The following PRKCQ variants were observed in gnomAD, a reference collection of about 807,000 sequenced individuals.
PRKCQ encodes protein kinase C theta.
In PRKCQ, 41 loss-of-function variants were observed where a neutral mutation model predicts 91.2. That is an observed-to-expected ratio of 0.45 (90% CI 0.35 to 0.58). The LOEUF is 0.58. Among genes scored for constraint, PRKCQ ranks in the 20% least tolerant of loss-of-function variants. PRKCQ has a pLI of 0.00. For synonymous variants in PRKCQ, 307 were observed against 316.9 expected (o/e 0.97, Z 0.33); for missense variants, 673 against 896.5 (o/e 0.75, Z 3.18).
intron 16 of PRKCQ, 95 bp downstream of exon 16, chr10:6,441,798 T>C (rs189287943): frequency 3.3e-5 from 43 of 1,284,140 alleles, no homozygotes; most frequent in Middle Eastern, 5.6e-4. Context: ...ATAATCATTG[T>C]TTGCCACATG....
chr10:6,418,906 C>T, the PRKCQ span, among the ~76,000 whole-genome samples: 57,875 of 151,594 alleles, frequency 0.38, 13,352 homozygotes, highest in East Asian at 0.76. Flanking sequence ...TATTACTCAT[C>T]CATCCATCTG....
intron 12 of PRKCQ, among the ~76,000 whole-genome samples, chr10:6,472,051 G>T (rs913174537): frequency 6.6e-6 from 1 of 152,102 alleles, no homozygotes; most frequent in African/African-American, 2.4e-5. Context: ...GCTCACGCCC[G>T]TAATCCTAGC....
At chr10:6,483,322 C>A in intron 11 of PRKCQ, 118 bp downstream of exon 11, 1 of 1,341,646 alleles carries the variant, frequency 7.5e-7, no homozygotes, top group Non-Finnish European at 1.0e-6. Context: ...CTCAGGAAAG[C>A]TGTCTCTGAC....
rs1836744047 is a variant in PRKCQ, at chr10:6,483,722, GT to G, written c.1019-123del. 9 of 1,138,430 alleles carry G rather than the reference GT, an allele frequency of 7.9e-6. No homozygotes were observed. The South Asian group carries it at 1.2e-4, about 16-fold the overall frequency. 70.5% of individuals were successfully genotyped at this position (1,138,430 alleles called of 1,614,324 possible). A position where few individuals can be genotyped will look rare whatever the true frequency, so the allele number is the denominator to read the frequency against. On this transcript the variant is annotated intron_variant, in intron 10 of 17. Coordinates refer to ENST00000263125, the MANE Select transcript of PRKCQ (RefSeq NM_006257.5). ...AGGCTCCATCATAGTAATTGGGGGT[GT>G]TTAGAGGGTTTCCTACAGTTCAGGC...
chr10:6,571,442 T>C (rs2130976907), intron 1 of PRKCQ, among the ~76,000 whole-genome samples: 1 of 152,322 alleles, frequency 6.6e-6, no homozygotes, highest in South Asian at 2.1e-4. Context: ...AACTGATGGG[T>C]ATATTTCAAA....
intron 16 of PRKCQ, among the ~76,000 whole-genome samples, chr10:6,433,722 CTGAT>C (rs2132234646): frequency 6.6e-6 from 1 of 152,176 alleles, no homozygotes; most frequent in East Asian, 1.9e-4. Context: ...TCACATGGAG[CTGAT>C]TGATGTTTTA....
intron 15 of PRKCQ, among the ~76,000 whole-genome samples, chr10:6,447,766 CT>C (rs1834402086): frequency 6.6e-6 from 1 of 152,328 alleles, no homozygotes; most frequent in Non-Finnish European, 1.5e-5. Context: ...CCTAGTCGGC[CT>C]TCCCCAGGCC....
chr10:6,553,506 A>AAAAAAT (rs1554782538), intron 1 of PRKCQ, among the ~76,000 whole-genome samples: 1 of 73,100 alleles, frequency 1.4e-5, no homozygotes. Context: ...AAAAAAAAAA[A>AAAAAAT]AAAAAAAAAA....
At chr10:6,579,837 AT>A (rs3086770) in intron 1 of PRKCQ, among the ~76,000 whole-genome samples, 78,802 of 136,768 alleles carry the variant, frequency 0.58, 23,404 homozygotes, top group South Asian at 0.68. Flanking sequence ...TTCCTCACGC[AT>A]TTTTTTTTTT....
chr10:6,436,194 C>T (rs1833688175), intron 16 of PRKCQ, among the ~76,000 whole-genome samples: 1 of 152,224 alleles, frequency 6.6e-6, no homozygotes, highest in Non-Finnish European at 1.5e-5. Context: ...CTGCTCTATT[C>T]AACCAAATTT....
chr10:6,456,168 G>A (rs1401931954), intron 15 of PRKCQ, among the ~76,000 whole-genome samples: 2 of 151,888 alleles, frequency 1.3e-5, no homozygotes, highest in Non-Finnish European at 1.5e-5. Flanking sequence ...GGGCAGGGGT[G>A]AGTTTTAACT....
chr10:6,479,965 AT>A (rs1175473185), intron 11 of PRKCQ, among the ~76,000 whole-genome samples: 2 of 151,992 alleles, frequency 1.3e-5, no homozygotes, highest in African/African-American at 2.4e-5. Context: ...ATAAAAAAAA[AT>A]AAATAAGTAA....
chr10:6,477,093 A>G (rs113252568), intron 12 of PRKCQ, among the ~76,000 whole-genome samples: 24 of 152,002 alleles, frequency 1.6e-4, no homozygotes, highest in African/African-American at 5.8e-4. Context: ...AGGACACCTC[A>G]CTCTTTTCTA....
At chr10:6,514,313 A>G (rs558462919) in intron 2 of PRKCQ, among the ~76,000 whole-genome samples, 88 of 152,228 alleles carry the variant, frequency 5.8e-4, no homozygotes, top group Non-Finnish European at 9.6e-4. Context: ...CAAACTTCCA[A>G]TGCAGAGGTG....
At chr10:6,508,248 T>C (rs1838298248) in intron 3 of PRKCQ, among the ~76,000 whole-genome samples, 1 of 152,118 alleles carries the variant, frequency 6.6e-6, no homozygotes, top group Admixed American at 6.6e-5. Flanking sequence ...CTGTTGTTAA[T>C]CTATTAAACC....
At chr10:6,530,420 T>A (rs1486171537) in intron 1 of PRKCQ, among the ~76,000 whole-genome samples, 3 of 152,186 alleles carry the variant, frequency 2.0e-5, no homozygotes, top group Non-Finnish European at 4.4e-5. Flanking sequence ...TTTGGTAGTA[T>A]CAATACAGCA....
chr10:6,494,982 C>G (rs1357661643), intron 7 of PRKCQ, among the ~76,000 whole-genome samples: 1 of 152,178 alleles, frequency 6.6e-6, no homozygotes, highest in Non-Finnish European at 1.5e-5. Context: ...CCACACTGCT[C>G]GGCCTCGGGC....
At position 6,548,215 on chromosome 10, in the gene PRKCQ, T is replaced by G. The variant is rs1435299747; in HGVS notation, c.-10+31996A>C. Among the ~76,000 whole-genome samples the G allele has an allele frequency of 5.3e-5, 8 of 150,782 alleles. No individual in the cohort carries two copies. In the East Asian group the frequency reaches 1.6e-3, roughly 29 times the overall value. ...CTCACACCAGTTAGAATGGCAATCA[T>G]TAAAAGGTCAGGAAACAACAGGTGC... On this transcript the variant is annotated intron_variant, in intron 1 of 17. Transcript: ENST00000263125.
At chr10:6,429,858 G>A (rs1365154237) in intron 17 of PRKCQ, among the ~76,000 whole-genome samples, 1 of 152,016 alleles carries the variant, frequency 6.6e-6, no homozygotes, top group Non-Finnish European at 1.5e-5. Context: ...GCCTACTGAG[G>A]AGTTTGAACT....
Sources: gnomAD v4.1 joint callset for allele counts (sites outside exome capture counted in the v4.1 genomes callset) on GRCh38, gnomAD v4.1.1 for gene constraint, MANE v1.5 for transcripts, NCBI Gene and HGNC (gene_info 2026-07-23, HGNC 2026-07-21) for gene names.